Variants in COL2A1 observed in about 807,000 individuals in gnomAD.
COL2A1 encodes collagen alpha-1(II) chain.
In COL2A1, 28 loss-of-function variants were observed where a neutral mutation model predicts 204.5. The observed-to-expected ratio is 0.14, with a 90% CI of 0.10 to 0.19. The LOEUF is 0.19. Ranked by LOEUF, COL2A1 falls within the 10% of genes least tolerant of loss-of-function variation. The pLI is 1.00. For missense variants in COL2A1, 1,388 were observed against 2,027.5 expected (o/e 0.68, Z 6.06); for synonymous variants, 708 against 718.7 (o/e 0.99, Z 0.24).
At chr12:47,998,129 G>T (rs764275096) in intron 4 of COL2A1, 40 bp downstream of exon 4, 1 of 1,614,168 alleles carries the variant, frequency 6.2e-7, no homozygotes. Context: ...CCCATTTAGA[G>T]CAGCAGCTGC....
In COL2A1 at chr12:47,980,417, A is replaced by G; in HGVS notation, c.2625+137T>C. 5 of 834,534 alleles carry G rather than the reference A, an allele frequency of 6.0e-6. No homozygotes were observed. Among genetic ancestry groups the G allele is most frequent in the Non-Finnish European group, 1.0e-5 (5 of 498,942 alleles). The allele number at this position is 834,534 out of a possible 1,614,324, so 51.7% of individuals were successfully genotyped here. A position where few individuals can be genotyped will look rare whatever the true frequency, so the allele number is the denominator to read the frequency against. On this transcript the variant is annotated intron_variant, in intron 39 of 53. Coordinates refer to ENST00000380518, the MANE Select transcript of COL2A1 (RefSeq NM_001844.5). The surrounding 1 kb of genome is among the most constrained non-coding windows in gnomAD (Gnocchi z 4.5). ...CCCACCCACACAGCCCACATGCCAC[A>G]TGGAAGCTCCTTCTACCAACATGGG... is the stretch of plus-strand genomic sequence containing the variant.
chr12:47,995,159 C>A, intron 11 of COL2A1, 96 bp downstream of exon 11: 1 of 1,047,168 alleles, frequency 9.5e-7, no homozygotes, highest in Non-Finnish European at 1.5e-6. Context: ...AAGATACCTC[C>A]ACCCTGGGTG....
Position 47,973,532 on chromosome 12 carries a change from T to C in COL2A1, c.4339A>G (p.Lys1447Glu). 1 of 1,614,106 alleles carries C rather than the reference T, an allele frequency of 6.2e-7. No homozygotes were observed. The highest frequency in any genetic ancestry group is 2.2e-5 in the East Asian group (1 of 44,876). Residue 1447 changes from lysine (K) to glutamate (E), a missense_variant, in exon 54 of 54, where the codon AAG becomes GAG. Lys to Glu is a moderately conservative substitution (Grantham distance 56). Around this residue, in one of 3 missense-constraint regions of COL2A1, gnomAD observed 303 missense variants for 369.2 expected, o/e 0.82. Coordinates refer to ENST00000380518, the MANE Select transcript of COL2A1 (RefSeq NM_001844.5). ...TGTGACCGGTACTCGATAACAGTCT[T>C]GCCCCACTTACCGGTATGTTTCTAG... ...GCTKHTGKWG[K>E]TVIEYRSQKT... is the part of the protein sequence containing the mutation.
In COL2A1 at chr12:47,987,735, TGAA is replaced by T. The variant is rs760530147; in HGVS notation, c.1123-29_1123-27del. The T allele has an allele frequency of 2.6e-4, 415 of 1,577,276 alleles. 3 individuals carry two copies. Among genetic ancestry groups the T allele is most frequent in the Non-Finnish European group, 1.7e-4 (195 of 1,153,152 alleles). On this transcript the variant is annotated intron_variant, in intron 18 of 53. Transcript: ENST00000380518. The surrounding 1 kb of genome is among the most constrained non-coding windows in gnomAD (Gnocchi z 4.1). ...CTGGGAAGAGACAGGGAGGATGAAA[TGAA>T]GAAGAAGAGAGGGGACACAGACCTC...
chr12:47,998,108 C>T, intron 4 of COL2A1, 44 bp from the exon 5 acceptor site: 1 of 1,614,192 alleles, frequency 6.2e-7, no homozygotes, highest in South Asian at 1.1e-5. Flanking sequence ...GAGGAGAGCA[C>T]AAGGAAATGA....
chr12:47,987,031 GACTCCAGAGATGTC>G lies in COL2A1; in HGVS notation c.1365+33_1365+46del, dbSNP rs536339508. On this transcript the variant is annotated intron_variant, in intron 21 of 53. Transcript: ENST00000380518. This position sits in a 1 kb window ranked among gnomAD's most constrained non-coding sequence, Gnocchi z 4.1. ...ATGGGAAAGAGGGGTGATGGGGTTT[GACTCCAGAGATGTC>G]AGTGGAACTTGGGGGTCACTTTGGG... The G allele has an allele frequency of 2.4e-5, 38 of 1,593,200 alleles. No individual in the cohort carries two copies. The African/African-American group carries it at 4.0e-4, about 17-fold the overall frequency.
intron 50 of COL2A1, 139 bp downstream of exon 50, chr12:47,975,824 T>C: frequency 1.2e-6 from 1 of 842,596 alleles, no homozygotes; most frequent in Non-Finnish European, 2.1e-6. Context: ...CTGTGACCTC[T>C]GAGGAGACCT....
At position 47,992,770 on chromosome 12, in the gene COL2A1, A is replaced by G. The variant is rs1635534; in HGVS notation, c.1023+108T>C. The G allele has an allele frequency of 0.8, 918,760 of 1,142,654 alleles. 374,300 individuals are homozygous for G. The highest frequency in any genetic ancestry group is 0.85 in the Non-Finnish European group (651,234 of 763,794). 70.8% of individuals were successfully genotyped at this position (1,142,654 alleles called of 1,614,324 possible). A position where few individuals can be genotyped will look rare whatever the true frequency, so the allele number is the denominator to read the frequency against. On this transcript the variant is annotated intron_variant, in intron 16 of 53. Coordinates refer to ENST00000380518, the MANE Select transcript of COL2A1 (RefSeq NM_001844.5). ...ACTGGGGGTGAATTCTTAAGGGATA[A>G]CAATACTCCCTATGCCTCACAGGGT...
chr12:47,989,322 T>C, intron 17 of COL2A1, 41 bp from the exon 18 acceptor site: 1 of 1,579,252 alleles, frequency 6.3e-7, no homozygotes, highest in Non-Finnish European at 8.7e-7. Flanking sequence ...TGAATGCCAG[T>C]TCTGGCCTCC....
intron 34 of COL2A1, 91 bp from the exon 35 acceptor site, chr12:47,982,251 G>T: frequency 8.5e-7 from 1 of 1,173,108 alleles, no homozygotes; most frequent in African/African-American, 1.5e-5. Flanking sequence ...GCTAGGGAAA[G>T]CCCAGTCCCT....
chr12:47,974,082 C>T lies in COL2A1; in HGVS notation c.4317+7G>A. 6.2e-7 allele frequency: 1 copy of T among 1,614,242 alleles called. No individual in the cohort carries two copies. Among genetic ancestry groups the T allele is most frequent in the Non-Finnish European group, 8.5e-7 (1 of 1,180,044 alleles). On this transcript the variant is annotated splice_region_variant and intron_variant, in intron 53 of 53. Coordinates refer to ENST00000380518, the MANE Select transcript of COL2A1 (RefSeq NM_001844.5). ...AGGCAGCTCTTCTCTCTGGCAGCCC[C>T]ACTCACCGTGCAGCCATCCTTCAGG... is the stretch of plus-strand genomic sequence containing the variant.
In COL2A1 at chr12:47,989,212, A is replaced by G. The variant is rs765900913; in HGVS notation, c.1122+16T>C. ...TCGGCACCCAGAAGTTCCTGACTGGACAACAGGGCACGTACCTTGGCTCCA... is the reference window on the plus strand; with the variant it reads ...TCGGCACCCAGAAGTTCCTGACTGGGCAACAGGGCACGTACCTTGGCTCCA... On this transcript the variant is annotated intron_variant, in intron 18 of 53. Transcript: ENST00000380518. The G allele has an allele frequency of 6.2e-7, 1 of 1,609,088 alleles. No homozygotes were observed.
At position 47,976,596 on chromosome 12, in the gene COL2A1, C is replaced by T. The variant is rs746874091; in HGVS notation, c.3436-29G>A. On this transcript the variant is annotated intron_variant, in intron 48 of 53. Coordinates refer to ENST00000380518, the MANE Select transcript of COL2A1 (RefSeq NM_001844.5). This position sits in a 1 kb window ranked among gnomAD's most constrained non-coding sequence, Gnocchi z 4.3. The stretch of plus-strand genomic sequence containing the variant: ...TGTAGAAGGAAGAGGCAAAAGGCCA[C>T]GGTCAGCACAGACATATCTATCTAT... The T allele has an allele frequency of 1.6e-5, 25 of 1,610,724 alleles. No homozygotes were observed. The highest frequency in any genetic ancestry group is 6.7e-5 in the East Asian group (3 of 44,890).
rs1939925625 is a variant in COL2A1 at position 47,995,690 on chromosome 12, A to G, written c.708+20T>C. ...TTAGAGGCTCCCCCAGAGAAGGGAC[A>G]GGGCCGTGCTGGTACTCACAGAGAC... is the stretch of plus-strand genomic sequence containing the variant. On this transcript the variant is annotated intron_variant, in intron 10 of 53. Transcript: ENST00000380518. 1 of 1,612,916 alleles carries G rather than the reference A, an allele frequency of 6.2e-7. No homozygotes were observed. The highest frequency in any genetic ancestry group is 1.7e-5 in the Admixed American group (1 of 59,990).
intron 50 of COL2A1, 102 bp downstream of exon 50, chr12:47,975,861 G>T: frequency 2.1e-6 from 2 of 937,306 alleles, no homozygotes; most frequent in East Asian, 2.4e-5. Flanking sequence ...ATCACTGTTA[G>T]CTGCAGGCTG....
At chr12:47,983,547 G>T in intron 30 of COL2A1, 109 bp from the exon 31 acceptor site, 1 of 1,441,906 alleles carries the variant, frequency 6.9e-7, no homozygotes, top group Non-Finnish European at 9.6e-7. Context: ...AGCAGTGACA[G>T]CCAGGGGTGC....
Position 47,993,446 on chromosome 12 carries a change from G to T in COL2A1, c.969+12C>A. 1.2e-6 allele frequency: 2 copies of T among 1,604,500 alleles called. No homozygotes were observed. The highest frequency in any genetic ancestry group is 1.1e-5 in the South Asian group (1 of 90,878). On this transcript the variant is annotated intron_variant, in intron 15 of 53. Coordinates refer to ENST00000380518, the MANE Select transcript of COL2A1 (RefSeq NM_001844.5). ...TCTTTGATAAACCTTCCTGGAGGGT[G>T]TCCATACTTACCATTGGGCCCGGAG...
rs1305445918 is a variant in COL2A1 at position 47,978,633 on chromosome 12, A to C, written c.2859T>G (p.Pro953=). 2 of 1,613,382 alleles carry C rather than the reference A, an allele frequency of 1.2e-6. No homozygotes were observed. The highest frequency in any genetic ancestry group is 2.7e-5 in the African/African-American group (2 of 74,904). Reference sequence around the variant, plus strand: ...CATCTCCAGGCTCTCCCTTCTCGCCAGGGGGTCCAGCAGGACCTTGGAGGC... The same window carrying C: ...CATCTCCAGGCTCTCCCTTCTCGCCCGGGGGTCCAGCAGGACCTTGGAGGC... ...EPGLQGPAGP[P]GEKGEPGDDG... The change falls in exon 42 of 54, where the codon CCT becomes CCG. Residue 953 remains proline, a synonymous_variant. Transcript: ENST00000380518. The surrounding 1 kb of genome is among the most constrained non-coding windows in gnomAD (Gnocchi z 5.5).
rs1319837011 is a variant in COL2A1 at position 47,973,004 on chromosome 12, A to T, written c.*403T>A. The stretch of plus-strand genomic sequence containing the variant: ...ATCTTTTCATTTTTAATATCAATTG[A>T]TGTTTTAAAAAATACAGAGGTGTTT... On this transcript the variant is annotated 3_prime_UTR_variant, in exon 54 of 54. Transcript: ENST00000380518. 4.0e-6 allele frequency: 2 copies of T among 501,988 alleles called. No homozygotes were observed. Among genetic ancestry groups the T allele is most frequent in the Non-Finnish European group, 7.0e-6 (2 of 287,000 alleles). 31.1% of individuals were successfully genotyped at this position (501,988 alleles called of 1,614,324 possible). A position where few individuals can be genotyped will look rare whatever the true frequency, so the allele number is the denominator to read the frequency against.
Sources: allele counts gnomAD v4.1 joint callset, GRCh38; gene constraint gnomAD v4.1.1; regional missense constraint gnomAD v4.1.1; non-coding constraint Gnocchi (gnomAD v3.1); transcripts MANE v1.5; gene names NCBI Gene and HGNC (gene_info 2026-07-23, HGNC 2026-07-21).